RERE: variants seen among roughly 807,000 people sequenced by gnomAD.
RERE encodes arginine-glutamic acid dipeptide repeats protein.
RERE carries 40 observed loss-of-function variants against 146.1 expected under a neutral mutation model. The ratio of observed to expected loss-of-function variants is 0.27; its 90% CI spans 0.21 to 0.36. RERE has a LOEUF of 0.36. RERE is among the 10% of genes least tolerant of loss of function. The pLI, the probability that RERE is intolerant of heterozygous loss-of-function variation, is 1.00. For synonymous variants in RERE, 1,003 were observed against 866.0 expected (o/e 1.16, Z -2.78); for missense variants, 1,933 against 2,138.7 (o/e 0.90, Z 1.90).
intron 2 of RERE, among the ~76,000 whole-genome samples, chr1:8,640,169 TA>T (rs908704085): frequency 6.6e-5 from 10 of 151,050 alleles, no homozygotes; most frequent in African/African-American, 2.4e-4. Flanking sequence ...AAAAAAAGAA[TA>T]AAAAACAACA....
intron 12 of RERE, among the ~76,000 whole-genome samples, chr1:8,404,401 T>C (rs1459961484): frequency 2.6e-5 from 4 of 151,396 alleles, no homozygotes; most frequent in Admixed American, 6.6e-5. Flanking sequence ...CTCGGCGACA[T>C]AGTGAGACTC....
chr1:8,380,857 T>C (rs1440900969), intron 12 of RERE: 3 of 456,758 alleles, frequency 6.6e-6, no homozygotes, highest in Admixed American at 2.3e-5. Flanking sequence ...GAGCTGGACC[T>C]TGGAGTCCTG....
chr1:8,593,531 C>A (rs1422048551), intron 4 of RERE, among the ~76,000 whole-genome samples: 2 of 152,164 alleles, frequency 1.3e-5, no homozygotes, highest in Non-Finnish European at 2.9e-5. Flanking sequence ...TGTGAGGCCT[C>A]CCCAGCCATG....
intron 1 of RERE, among the ~76,000 whole-genome samples, chr1:8,658,902 C>A (rs1638391026): frequency 6.6e-6 from 1 of 152,202 alleles, no homozygotes; most frequent in Admixed American, 6.5e-5. Flanking sequence ...TCTCAAATAT[C>A]CTTAGACATT....
chr1:8,576,506 T>C (rs1646296539), intron 4 of RERE, among the ~76,000 whole-genome samples: 1 of 152,178 alleles, frequency 6.6e-6, no homozygotes, highest in Non-Finnish European at 1.5e-5. Context: ...CAGGGAAAGA[T>C]GAACTATTTA....
chr1:8,381,139 G>A (rs1004201795), intron 12 of RERE: 16 of 380,874 alleles, frequency 4.2e-5, no homozygotes, highest in African/African-American at 2.7e-4. Flanking sequence ...TTTCCGATGC[G>A]CCTGTTTCCA....
chr1:8,778,468 C>T (rs976406175), intron 1 of RERE, among the ~76,000 whole-genome samples: 1 of 152,172 alleles, frequency 6.6e-6, no homozygotes, highest in Non-Finnish European at 1.5e-5. Context: ...AAACACTATA[C>T]ATTTTAAGCA....
chr1:8,701,058 A>C (rs1384611770), intron 1 of RERE, among the ~76,000 whole-genome samples: 1 of 152,186 alleles, frequency 6.6e-6, no homozygotes, highest in East Asian at 1.9e-4. Flanking sequence ...TAAAACCTTC[A>C]GTGTAAGATA....
At chr1:8,389,792 T>C (rs1642821061) in intron 12 of RERE, among the ~76,000 whole-genome samples, 1 of 152,182 alleles carries the variant, frequency 6.6e-6, no homozygotes, top group South Asian at 2.1e-4. Context: ...TAAGTGCACG[T>C]TGTTTTGTAT....
chr1:8,445,575 A>C (rs1257867618), intron 11 of RERE, among the ~76,000 whole-genome samples: 1 of 152,226 alleles, frequency 6.6e-6, no homozygotes, highest in African/African-American at 2.4e-5. Context: ...GAAGACAATA[A>C]TCTTCATAAG....
At chr1:8,564,870 G>GTGTGTGTGTGTGTGTATA (rs1269710840) in intron 4 of RERE, among the ~76,000 whole-genome samples, 6 of 127,332 alleles carry the variant, frequency 4.7e-5, no homozygotes, top group Non-Finnish European at 8.1e-5. Context: ...GTGTGTGTGT[G>GTGTGTGTGTGTGTGTATA]TATATATATA....
At chr1:8,486,770 AAAGAAAAG>A (rs1250346051) in intron 10 of RERE, among the ~76,000 whole-genome samples, 2 of 145,980 alleles carry the variant, frequency 1.4e-5, no homozygotes, top group African/African-American at 2.6e-5. Context: ...AAAAAAAAAA[AAAGAAAAG>A]AAAGAAAAGA....
intron 12 of RERE, among the ~76,000 whole-genome samples, chr1:8,407,905 G>A (rs1643495941): frequency 2.0e-5 from 3 of 152,268 alleles, no homozygotes; most frequent in African/African-American, 7.2e-5. Context: ...ACCCTAGAGA[G>A]GTCTACCATG....
At chr1:8,360,008 G>A (rs749011075) in intron 18 of RERE, 22 bp from the exon 19 acceptor site, 1 of 1,610,278 alleles carries the variant, frequency 6.2e-7, no homozygotes, top group Non-Finnish European at 8.5e-7. Context: ...CACAGATCTT[G>A]CTGGGAGCTC....
intron 1 of RERE, among the ~76,000 whole-genome samples, chr1:8,710,197 A>G (rs1355350160): frequency 6.6e-6 from 1 of 152,260 alleles, no homozygotes; most frequent in East Asian, 1.9e-4. Flanking sequence ...GGGTTCCACC[A>G]TAATGGCATT....
At chr1:8,695,559 G>A (rs1557486836) in intron 1 of RERE, among the ~76,000 whole-genome samples, 1 of 111,848 alleles carries the variant, frequency 8.9e-6, no homozygotes, top group Non-Finnish European at 1.7e-5. Flanking sequence ...AGATCTGCCT[G>A]AACAACATGG....
chr1:8,495,473 A>C (rs951422936), intron 9 of RERE, among the ~76,000 whole-genome samples: 8 of 152,134 alleles, frequency 5.3e-5, no homozygotes, highest in Admixed American at 4.6e-4. Context: ...CCCCATGCCC[A>C]GCTAATTTCT....
chr1:8,806,238 A>G (rs1022480041), intron 1 of RERE, among the ~76,000 whole-genome samples: 6 of 152,126 alleles, frequency 3.9e-5, no homozygotes, highest in Non-Finnish European at 7.4e-5. Context: ...GTTATTATCA[A>G]TAATTTTTTG....
At chr1:8,514,077 C>T (rs748178512) in intron 7 of RERE, among the ~76,000 whole-genome samples, 27 of 152,206 alleles carry the variant, frequency 1.8e-4, no homozygotes, top group Non-Finnish European at 3.5e-4. Context: ...ATAAGAAATG[C>T]CTTTCAGTGT....
Sources: gnomAD v4.1 joint callset for allele counts (sites outside exome capture counted in the v4.1 genomes callset) on GRCh38, gnomAD v4.1.1 for gene constraint, MANE v1.5 for transcripts, NCBI Gene and HGNC (gene_info 2026-07-23, HGNC 2026-07-21) for gene names.